TP73: variants seen among roughly 807,000 people sequenced by gnomAD.
TP73 encodes p53-like transcription factor.
TP73 carries 25 observed loss-of-function variants against 62.5 expected under a neutral mutation model. The ratio of observed to expected loss-of-function variants is 0.40; its 90% CI spans 0.29 to 0.56. The LOEUF (loss-of-function observed/expected upper bound fraction) is 0.56, where lower values mean the gene tolerates loss of function less well. TP73 is among the 20% of genes least tolerant of loss of function. The pLI is 0.46. For missense variants in TP73, 754 were observed against 913.3 expected (o/e 0.83, Z 2.25); for synonymous variants, 423 against 377.5 (o/e 1.12, Z -1.40).
At chr1:3,698,875 G>A (rs988842084) in intron 3 of TP73, among the ~76,000 whole-genome samples, 1 of 152,226 alleles carries the variant, frequency 6.6e-6, no homozygotes, top group Non-Finnish European at 1.5e-5. Flanking sequence ...CTGCGGGCAG[G>A]TGCAGGCAGG....
chr1:3,715,872 A>G (rs1195192099), intron 4 of TP73, among the ~76,000 whole-genome samples: 2 of 152,130 alleles, frequency 1.3e-5, no homozygotes, highest in African/African-American at 4.8e-5. Context: ...TACCCCGATC[A>G]TAGCCCAGGA....
chr1:3,664,566 G>T lies in TP73; in HGVS notation c.-34+11925G>T, dbSNP rs111684188. ...CTGGCTCCATTTTCTCCACCAGTCCGAATACATGAGCCAGACCCGCAGCTT... is the reference window on the plus strand; with the variant it reads ...CTGGCTCCATTTTCTCCACCAGTCCTAATACATGAGCCAGACCCGCAGCTT... On this transcript the variant is annotated intron_variant, in intron 1 of 13. Transcript: ENST00000378295. Among the ~76,000 whole-genome samples the T allele has an allele frequency of 2.6e-5, 4 of 152,270 alleles. No individual in the cohort carries two copies. In the East Asian group the frequency reaches 7.7e-4, roughly 29 times the overall value.
At chr1:3,717,596 A>G (rs1640713982) in intron 4 of TP73, among the ~76,000 whole-genome samples, 1 of 152,024 alleles carries the variant, frequency 6.6e-6, no homozygotes, top group Admixed American at 6.6e-5. Flanking sequence ...CCTATAGAAT[A>G]GGCTCCACCG....
chr1:3,667,474 G>C (rs1041674959), intron 1 of TP73, among the ~76,000 whole-genome samples: 2 of 152,256 alleles, frequency 1.3e-5, no homozygotes, highest in Non-Finnish European at 2.9e-5. Flanking sequence ...AGGGCAGCTG[G>C]GCGCGGTGGC....
At chr1:3,700,169 A>T (rs900321322) in intron 3 of TP73, among the ~76,000 whole-genome samples, 4 of 150,842 alleles carry the variant, frequency 2.7e-5, no homozygotes, top group Admixed American at 1.3e-4. Flanking sequence ...GGCCCAATGC[A>T]GGGACCAGGC....
intron 6 of TP73, among the ~76,000 whole-genome samples, chr1:3,726,641 G>GTGGA (rs918618757): frequency 1.4e-5 from 2 of 138,164 alleles, no homozygotes; most frequent in Non-Finnish European, 3.2e-5. Flanking sequence ...GATGGATGGG[G>GTGGA]TGGATGGATG....
intron 1 of TP73, among the ~76,000 whole-genome samples, chr1:3,653,853 A>G (rs1644810197): frequency 6.6e-6 from 1 of 152,230 alleles, no homozygotes; most frequent in South Asian, 2.1e-4. Context: ...GAATGTATGC[A>G]TTACGTATGT....
At chr1:3,656,259 C>A (rs962789212) in intron 1 of TP73, among the ~76,000 whole-genome samples, 2 of 152,150 alleles carry the variant, frequency 1.3e-5, no homozygotes, top group African/African-American at 4.8e-5. Context: ...CAGACATATG[C>A]ACATGTTTAC....
In TP73 at chr1:3,672,320, G is replaced by A. The variant is rs1434665907; in HGVS notation, c.-33-10013G>A. On this transcript the variant is annotated intron_variant, in intron 1 of 13. Transcript: ENST00000378295. This position sits in a 1 kb window ranked among gnomAD's most constrained non-coding sequence, Gnocchi z 5.3. ...AAGAAGATTCTGGAGGACAGCACAG[G>A]CACTTCCAACATGGGCGCTGGCCGC... is the stretch of plus-strand genomic sequence containing the variant. 1.3e-5 allele frequency among the ~76,000 whole-genome samples: 2 copies of A among 152,266 alleles called. No individual in the cohort carries two copies. The highest frequency in any genetic ancestry group is 3.9e-4 in the East Asian group (2 of 5,172).
chr1:3,678,887 A>G (rs1645437999), intron 1 of TP73, among the ~76,000 whole-genome samples: 2 of 152,194 alleles, frequency 1.3e-5, no homozygotes, highest in Non-Finnish European at 2.9e-5. Flanking sequence ...CACTGCCCAC[A>G]TCTCAGGCAA....
intron 1 of TP73, among the ~76,000 whole-genome samples, chr1:3,671,256 G>C (rs912221771): frequency 2.6e-5 from 4 of 152,210 alleles, no homozygotes; most frequent in Non-Finnish European, 5.9e-5. Context: ...AGCGTGACGG[G>C]AAGCAGCCCC....
At chr1:3,708,279 C>T (rs1375000295) in intron 4 of TP73, 1 of 179,518 alleles carries the variant, frequency 5.6e-6, no homozygotes, top group Non-Finnish European at 1.2e-5. Flanking sequence ...GTGTCATTTC[C>T]AGGAATTGGC....
rs148074394 is a variant in TP73, at chr1:3,673,458, G to A, written c.-33-8875G>A. ...TGTGCCCAGATAGAGGAGTGCTTTC[G>A]CTTTTGATATGCGTAGAGTTACTTC... On this transcript the variant is annotated intron_variant, in intron 1 of 13. Transcript: ENST00000378295. Among the ~76,000 whole-genome samples the A allele has an allele frequency of 2.3e-3, 353 of 152,344 alleles. 10 individuals are homozygous for A. In the East Asian group the frequency reaches 0.061, roughly 26 times the overall value.
At position 3,701,671 on chromosome 1, in the gene TP73, A is replaced by ATT. The variant is rs35410496; in HGVS notation, c.187-5870_187-5869dup. 3.3e-5 allele frequency among the ~76,000 whole-genome samples: 5 copies of ATT among 151,254 alleles called. No individual in the cohort carries two copies. Among genetic ancestry groups the ATT allele is most frequent in the Admixed American group, 6.6e-5 (1 of 15,172 alleles). ...AGGTGCCCACCACCACGCCCAGCTA[A>ATT]TTTTTTTTTGTAGTTTTAGTAGAGA... On this transcript the variant is annotated intron_variant, in intron 3 of 13. Coordinates refer to ENST00000378295, the MANE Select transcript of TP73 (RefSeq NM_005427.4). This position sits in a 1 kb window ranked among gnomAD's most constrained non-coding sequence, Gnocchi z 4.7.
In TP73 at chr1:3,727,725, G is replaced by C; in HGVS notation, c.940G>C (p.Ala314Pro). ...TGAGGACCACTACCGGGAGCAGCAG[G>C]CCCTGAACGAGAGCTCCGCCAAGAA... is the stretch of plus-strand genomic sequence containing the variant. Reference protein sequence around the residue: ...ADEDHYREQQALNESSAKNGA... With the variant: ...ADEDHYREQQPLNESSAKNGA... Residue 314 changes from alanine to proline, a missense_variant, in exon 8 of 14, where the codon GCC (alanine) becomes CCC (proline). Physicochemically the swap from Ala to Pro is conservative, Grantham distance 27 (BLOSUM62 -1). Transcript: ENST00000378295. 6.4e-7 allele frequency: 1 copy of C among 1,563,872 alleles called. No homozygotes were observed. The highest frequency in any genetic ancestry group is 8.7e-7 in the Non-Finnish European group (1 of 1,155,612).
Position 3,732,978 on chromosome 1 carries a change from G to A in TP73, c.1810G>A (p.Gly604Ser), listed in dbSNP as rs143621977. ...ITIPNRGGPG[G>S]GPDEWADFGF... Reference sequence around the variant, plus strand: ...CATCCCCAACCGCGGCGGCCCAGGCGGCGGCCCTGACGAGTGGGCGGACTT... The same window carrying A: ...CATCCCCAACCGCGGCGGCCCAGGCAGCGGCCCTGACGAGTGGGCGGACTT... The change falls in exon 14 of 14, where the codon GGC becomes AGC. Residue 604 changes from glycine (G) to serine (S), a missense_variant. By Grantham distance (56) the Gly-to-Ser change is moderately conservative. This residue lies in a region of TP73 where 458 missense variants were observed against 528.7 expected (regional missense o/e 0.87). Transcript: ENST00000378295. 163 of 1,597,600 alleles carry A rather than the reference G, an allele frequency of 1.0e-4. No individual in the cohort carries two copies. The highest frequency in any genetic ancestry group is 7.4e-4 in the African/African-American group (55 of 74,670).
chr1:3,729,289 T>C, intron 9 of TP73, 38 bp from the exon 10 acceptor site: 2 of 1,612,038 alleles, frequency 1.2e-6, no homozygotes, highest in Non-Finnish European at 1.7e-6. Context: ...CGTGGGGGTC[T>C]GGGGCACGTG....
chr1:3,711,202 G>A (rs1640112455), intron 4 of TP73, among the ~76,000 whole-genome samples: 1 of 152,244 alleles, frequency 6.6e-6, no homozygotes, highest in South Asian at 2.1e-4. Flanking sequence ...GGTCAGGGCA[G>A]GGTACCTGGG....
intron 4 of TP73, among the ~76,000 whole-genome samples, chr1:3,712,893 G>A (rs935765998): frequency 5.3e-5 from 8 of 152,036 alleles, no homozygotes; most frequent in Admixed American, 3.9e-4. Context: ...GCCCCACCCC[G>A]GCCCCTACAG....
Sources: gnomAD v4.1 joint callset for allele counts (sites outside exome capture counted in the v4.1 genomes callset) on GRCh38, gnomAD v4.1.1 for gene constraint, gnomAD v4.1.1 regional missense constraint, Gnocchi (gnomAD v3.1) non-coding constraint, MANE v1.5 for transcripts, NCBI Gene and HGNC (gene_info 2026-07-23, HGNC 2026-07-21) for gene names.